KCNIP4: variants seen among roughly 807,000 people sequenced by gnomAD.
The protein encoded by KCNIP4 is potassium voltage-gated channel interacting protein 4.
In KCNIP4, 12 loss-of-function variants were observed where a neutral mutation model predicts 34.0. The ratio of observed to expected loss-of-function variants is 0.35; its 90% CI spans 0.23 to 0.57. The LOEUF is 0.57. KCNIP4 is among the 20% of genes least tolerant of loss of function. KCNIP4 has a pLI of 0.83. For synonymous variants in KCNIP4, 124 were observed against 102.2 expected, an observed-to-expected ratio of 1.21 and a Z score of -1.29; for missense variants, 238 against 311.7, an observed-to-expected ratio of 0.76 and a Z score of 1.78.
chr4:21,239,211 T>A (rs538792900), intron 1 of KCNIP4, among the ~76,000 whole-genome samples: 5 of 148,704 alleles, frequency 3.4e-5, no homozygotes, highest in Non-Finnish European at 1.5e-5. Flanking sequence ...TTACACCTTA[T>A]ACAAAAATTA....
intron 1 of KCNIP4, among the ~76,000 whole-genome samples, chr4:21,792,042 G>A (rs1043217751): frequency 7.1e-6 from 1 of 140,622 alleles, no homozygotes; most frequent in Non-Finnish European, 1.5e-5. Context: ...TACCTCATAG[G>A]CACTCTTCAT....
chr4:21,497,164 A>G (rs1732919037), intron 1 of KCNIP4, among the ~76,000 whole-genome samples: 1 of 152,206 alleles, frequency 6.6e-6, no homozygotes, highest in Admixed American at 6.5e-5. Context: ...CACTATTCAC[A>G]TGAACTATGA....
intron 1 of KCNIP4, among the ~76,000 whole-genome samples, chr4:21,026,871 C>G (rs1740600943): frequency 6.6e-6 from 1 of 152,082 alleles, no homozygotes; most frequent in South Asian, 2.1e-4. Flanking sequence ...GTGAGTGTGT[C>G]TGGAACATGG....
intron 1 of KCNIP4, among the ~76,000 whole-genome samples, chr4:21,499,287 T>C (rs928975337): frequency 2.0e-5 from 3 of 148,518 alleles, no homozygotes; most frequent in Admixed American, 6.7e-5. Flanking sequence ...GCCAACATCA[T>C]GTCACTGCAC....
intron 1 of KCNIP4, among the ~76,000 whole-genome samples, chr4:21,293,110 A>G (rs946956611): frequency 4.6e-5 from 7 of 152,188 alleles, no homozygotes; most frequent in Non-Finnish European, 8.8e-5. Context: ...AATAGGAGAT[A>G]ATATTCACCC....
At chr4:21,603,484 CT>C (rs1406020296) in intron 1 of KCNIP4, among the ~76,000 whole-genome samples, 1 of 152,096 alleles carries the variant, frequency 6.6e-6, no homozygotes, top group Non-Finnish European at 1.5e-5. Context: ...AATGTTTTGG[CT>C]GGTTGAGAAA....
At chr4:21,567,464 T>C (rs1027773261) in intron 1 of KCNIP4, among the ~76,000 whole-genome samples, 7 of 151,934 alleles carry the variant, frequency 4.6e-5, no homozygotes, top group African/African-American at 1.7e-4. Context: ...CCAGAACTCA[T>C]GAATAGACAC....
chr4:20,973,278 G>A (rs553056175), intron 1 of KCNIP4, among the ~76,000 whole-genome samples: 43 of 152,292 alleles, frequency 2.8e-4, no homozygotes, highest in African/African-American at 1.0e-3. Context: ...GCTTCGCTTT[G>A]CACTCTTATG....
At chr4:21,380,529 C>G (rs1445124423) in intron 1 of KCNIP4, among the ~76,000 whole-genome samples, 1 of 150,782 alleles carries the variant, frequency 6.6e-6, no homozygotes, top group African/African-American at 2.4e-5. Flanking sequence ...GTTTTAAGGT[C>G]AAGTATAGAT....
chr4:21,404,405 A>G (rs903226474), intron 1 of KCNIP4, among the ~76,000 whole-genome samples: 6 of 152,102 alleles, frequency 3.9e-5, no homozygotes, highest in South Asian at 2.1e-4. Flanking sequence ...GTAAATATCT[A>G]TGGTTGAATG....
chr4:20,888,662 C>T (rs1473203809), intron 1 of KCNIP4, among the ~76,000 whole-genome samples: 1 of 152,060 alleles, frequency 6.6e-6, no homozygotes, highest in Non-Finnish European at 1.5e-5. Flanking sequence ...ATATGTATCG[C>T]CACCTACAAT....
intron 1 of KCNIP4, among the ~76,000 whole-genome samples, chr4:21,785,038 T>A (rs1719808678): frequency 6.6e-6 from 1 of 152,172 alleles, no homozygotes; most frequent in South Asian, 2.1e-4. Flanking sequence ...TTGCAGTCAA[T>A]AGCTGGTTTA....
chr4:20,919,420 T>C (rs867474118), intron 1 of KCNIP4, among the ~76,000 whole-genome samples: 1 of 132,542 alleles, frequency 7.5e-6, no homozygotes, highest in South Asian at 2.4e-4. Flanking sequence ...AAAAAAAAGA[T>C]AGATCGGGCG....
chr4:20,751,770 A>G (rs1753680606), intron 4 of KCNIP4, among the ~76,000 whole-genome samples: 5 of 152,152 alleles, frequency 3.3e-5, no homozygotes, highest in Admixed American at 2.0e-4. Flanking sequence ...TTAAAGCTTG[A>G]TATGTGGGAA....
At chr4:21,588,693 C>A (rs982189544) in intron 1 of KCNIP4, among the ~76,000 whole-genome samples, 5 of 151,872 alleles carry the variant, frequency 3.3e-5, no homozygotes, top group Non-Finnish European at 5.9e-5. Flanking sequence ...ATGGAAGGAA[C>A]AATAACAATA....
At chr4:20,906,084 CCTTTCTTTT>C (rs1560559256) in intron 1 of KCNIP4, among the ~76,000 whole-genome samples, 1 of 138,558 alleles carries the variant, frequency 7.2e-6, no homozygotes, top group Non-Finnish European at 1.6e-5. Flanking sequence ...CTCCTTTCTT[CCTTTCTTTT>C]CTTTCTCTCT....
intron 1 of KCNIP4, among the ~76,000 whole-genome samples, chr4:21,351,999 T>C (rs946335689): frequency 6.6e-6 from 1 of 152,196 alleles, no homozygotes; most frequent in Non-Finnish European, 1.5e-5. Context: ...GGCTCTGCCA[T>C]AACATCAGTT....
At chr4:21,123,737 G>T (rs1251571174) in intron 1 of KCNIP4, among the ~76,000 whole-genome samples, 1 of 152,152 alleles carries the variant, frequency 6.6e-6, no homozygotes, top group East Asian at 1.9e-4. Context: ...AAGGTCATGT[G>T]GGTGGGGCCC....
rs376365699 is a variant in KCNIP4, at chr4:20,832,350, A to T, written c.288+18193T>A. Among the ~76,000 whole-genome samples, 28 of 152,330 alleles carry T rather than the reference A, an allele frequency of 1.8e-4. No homozygotes were observed. In the South Asian group the frequency reaches 3.7e-3, roughly 20 times the overall value. ...ACTTCACTGGGAGGAACTAAAAATA[A>T]TTTAAAAATAGGAGAAAGTGTCATT... On this transcript the variant is annotated intron_variant, in intron 3 of 8. Transcript: ENST00000382152.
Sources: gnomAD v4.1 joint callset for allele counts (sites outside exome capture counted in the v4.1 genomes callset) on GRCh38, gnomAD v4.1.1 for gene constraint, MANE v1.5 for transcripts, NCBI Gene and HGNC (gene_info 2026-07-23, HGNC 2026-07-21) for gene names.